Variants in BMPR1B observed in about 807,000 individuals in gnomAD.
BMPR1B encodes the protein bone morphogenetic protein receptor type-1B.
A neutral mutation model predicts 59.1 loss-of-function variants in BMPR1B; 12 were observed. The ratio of observed to expected loss-of-function variants is 0.20; its 90% CI spans 0.13 to 0.33. BMPR1B has a LOEUF of 0.33. Ranked by LOEUF, BMPR1B falls within the 10% of genes least tolerant of loss-of-function variation. The pLI, the probability that BMPR1B is intolerant of heterozygous loss-of-function variation, is 1.00. For synonymous variants in BMPR1B, 237 were observed against 207.3 expected, an observed-to-expected ratio of 1.14 and a Z score of -1.23; for missense variants, 550 against 610.9, an observed-to-expected ratio of 0.90 and a Z score of 1.05.
chr4:94,847,408 A>G (rs968344222), intron 1 of BMPR1B, among the ~76,000 whole-genome samples: 1 of 152,210 alleles, frequency 6.6e-6, no homozygotes, highest in African/African-American at 2.4e-5. Context: ...CAGGACTACC[A>G]TATGATCCAG....
At chr4:94,880,241 C>G (rs1726904524) in intron 2 of BMPR1B, among the ~76,000 whole-genome samples, 1 of 152,142 alleles carries the variant, frequency 6.6e-6, no homozygotes, top group Non-Finnish European at 1.5e-5. Context: ...TACTGTACTT[C>G]TAACTTGTCT....
intron 3 of BMPR1B, among the ~76,000 whole-genome samples, chr4:95,034,826 C>G (rs1725119606): frequency 6.6e-6 from 1 of 151,896 alleles, no homozygotes; most frequent in African/African-American, 2.4e-5. Flanking sequence ...AATGGTAGTT[C>G]TACTTTTAGT....
chr4:95,082,148 A>C, intron 3 of BMPR1B, among the ~76,000 whole-genome samples: 1 of 98,400 alleles, frequency 1.0e-5, no homozygotes, highest in Non-Finnish European at 1.9e-5. Flanking sequence ...CCCACCCCAC[A>C]ACAGTCCCCA....
intron 10 of BMPR1B, among the ~76,000 whole-genome samples, chr4:95,147,546 A>G (rs956522717): frequency 1.4e-4 from 21 of 152,254 alleles, no homozygotes; most frequent in African/African-American, 3.9e-4. Flanking sequence ...TTGAAAGTCA[A>G]TAGAGTGTAA....
chr4:94,780,667 A>G (rs904272446), intron 1 of BMPR1B, among the ~76,000 whole-genome samples: 2 of 148,504 alleles, frequency 1.3e-5, no homozygotes, highest in African/African-American at 5.0e-5. Flanking sequence ...CATCCTCATC[A>G]ACATGTATTA....
intron 2 of BMPR1B, among the ~76,000 whole-genome samples, chr4:94,922,233 C>T (rs948690941): frequency 1.3e-5 from 2 of 152,082 alleles, no homozygotes; most frequent in African/African-American, 4.8e-5. Flanking sequence ...CCTTGGCCTC[C>T]CAAAATGCTG....
intron 2 of BMPR1B, among the ~76,000 whole-genome samples, chr4:94,882,497 C>T (rs543978663): frequency 6.6e-6 from 1 of 152,354 alleles, no homozygotes; most frequent in Admixed American, 6.5e-5. Context: ...CTGCCTTCTA[C>T]TGTGCTAAGC....
At chr4:94,792,497 G>C (rs938019737) in intron 1 of BMPR1B, among the ~76,000 whole-genome samples, 1 of 151,154 alleles carries the variant, frequency 6.6e-6, no homozygotes, top group Non-Finnish European at 1.5e-5. Context: ...ATACACACAC[G>C]CACACTTTTT....
chr4:95,090,309 T>C (rs1445250773), intron 3 of BMPR1B, among the ~76,000 whole-genome samples: 2 of 151,848 alleles, frequency 1.3e-5, no homozygotes, highest in East Asian at 1.9e-4. Flanking sequence ...ATAAAAATTA[T>C]ATTTACATTT....
At chr4:95,066,050 G>A (rs970036868) in intron 3 of BMPR1B, among the ~76,000 whole-genome samples, 4 of 152,136 alleles carry the variant, frequency 2.6e-5, no homozygotes, top group African/African-American at 7.2e-5. Context: ...GACAGCTGCT[G>A]TTCATAATTC....
intron 3 of BMPR1B, among the ~76,000 whole-genome samples, chr4:95,098,532 T>TG (rs1183373160): frequency 1.3e-5 from 2 of 152,032 alleles, no homozygotes; most frequent in African/African-American, 4.8e-5. Context: ...ATCTTTTTTT[T>TG]TGTGGCTTTT....
intron 2 of BMPR1B, among the ~76,000 whole-genome samples, chr4:94,974,939 A>G (rs548931962): frequency 6.6e-6 from 1 of 152,308 alleles, no homozygotes; most frequent in East Asian, 1.9e-4. Flanking sequence ...TTTGGAGTTT[A>G]TTGCATTCTG....
intron 3 of BMPR1B, among the ~76,000 whole-genome samples, chr4:95,001,302 G>C (rs1015853667): frequency 6.6e-6 from 1 of 151,948 alleles, no homozygotes; most frequent in Non-Finnish European, 1.5e-5. Context: ...TTGTGTCTCT[G>C]TGTCTTGTCT....
chr4:95,069,982 C>G (rs538913273), intron 3 of BMPR1B, among the ~76,000 whole-genome samples: 1 of 152,274 alleles, frequency 6.6e-6, no homozygotes, highest in South Asian at 2.1e-4. Flanking sequence ...GCCTGTAATC[C>G]CAGCTACTTG....
intron 3 of BMPR1B, among the ~76,000 whole-genome samples, chr4:95,084,841 T>C (rs929721128): frequency 1.4e-4 from 22 of 152,326 alleles, no homozygotes; most frequent in Admixed American, 2.6e-4. Flanking sequence ...CTGAGTCTTA[T>C]TTGGTGAATC....
intron 2 of BMPR1B, among the ~76,000 whole-genome samples, chr4:94,982,052 T>C (rs966799801): frequency 6.6e-6 from 1 of 152,198 alleles, no homozygotes; most frequent in Non-Finnish European, 1.5e-5. Context: ...TTGAGTATCT[T>C]TTCCTCCTAA....
At chr4:94,848,656 G>T (rs1211276452) in intron 1 of BMPR1B, among the ~76,000 whole-genome samples, 1 of 152,098 alleles carries the variant, frequency 6.6e-6, no homozygotes, top group African/African-American at 2.4e-5. Flanking sequence ...TGATCACATG[G>T]ATAATATGAA....
chr4:94,946,069 A>G (rs1729698799), intron 2 of BMPR1B, among the ~76,000 whole-genome samples: 1 of 152,180 alleles, frequency 6.6e-6, no homozygotes, highest in South Asian at 2.1e-4. Context: ...ATAATTCTCT[A>G]ATTATAAATC....
chr4:94,949,552 G>A lies in BMPR1B; in HGVS notation c.-112-46488G>A, dbSNP rs1449164992. ...AGGATGGTCTCGATCTCCTGACCTC[G>A]TGATCCACCCGCCTCGGCCTCCCAA... On this transcript the variant is annotated intron_variant, in intron 2 of 12. Coordinates refer to ENST00000515059, the MANE Select transcript of BMPR1B (RefSeq NM_001203.3). Among the ~76,000 whole-genome samples the A allele has an allele frequency of 9.8e-4, 57 of 58,254 alleles. 16 individuals are homozygous for A. The highest frequency in any genetic ancestry group is 4.1e-3 in the African/African-American group (50 of 12,242). The allele number at this position is 58,254 out of a possible 152,430, so 38.2% of individuals were successfully genotyped here.
Sources: allele counts gnomAD v4.1 joint callset (sites outside exome capture counted in the v4.1 genomes callset), GRCh38; gene constraint gnomAD v4.1.1; transcripts MANE v1.5; gene names NCBI Gene and HGNC (gene_info 2026-07-23, HGNC 2026-07-21).